Variants in FCHO2 observed in about 807,000 individuals in gnomAD.
The protein encoded by FCHO2 is FCH and mu domain containing endocytic adaptor 2.
In FCHO2, 43 loss-of-function variants were observed where a neutral mutation model predicts 114.1. The observed-to-expected ratio is 0.38, with a 90% CI of 0.30 to 0.49. The LOEUF is 0.49. FCHO2 is among the 20% of genes least tolerant of loss of function. The pLI, the probability that FCHO2 is intolerant of heterozygous loss-of-function variation, is 0.97. For synonymous variants in FCHO2, 293 were observed against 315.2 expected (o/e 0.93, Z 0.75); for missense variants, 807 against 950.4 (o/e 0.85, Z 1.98).
chr5:73,048,725 T>C (rs1214032270), intron 11 of FCHO2, among the ~76,000 whole-genome samples: 1 of 152,060 alleles, frequency 6.6e-6, no homozygotes, highest in African/African-American at 2.4e-5. Flanking sequence ...AAAGAGTGAA[T>C]ATATATGTAG....
At chr5:73,041,954 T>G (rs1014091746) in intron 11 of FCHO2, among the ~76,000 whole-genome samples, 1 of 152,104 alleles carries the variant, frequency 6.6e-6, no homozygotes, top group Non-Finnish European at 1.5e-5. Context: ...TTGATAAGTA[T>G]AGGGGTTTCA....
rs1307921445 is a variant in FCHO2, at chr5:73,089,533, C to G, written c.*1443C>G. On this transcript the variant is annotated 3_prime_UTR_variant, in exon 26 of 26. Coordinates refer to ENST00000430046, the MANE Select transcript of FCHO2 (RefSeq NM_138782.3). ...CTACCAATACTAAATAGTAAGAAAC[C>G]TAACTTTAGTAGCAAATCTTGATTA... 1.3e-5 allele frequency: 2 copies of G among 152,142 alleles called. No homozygotes were observed. The highest frequency in any genetic ancestry group is 2.9e-5 in the Non-Finnish European group (2 of 67,864). 9.4% of individuals were successfully genotyped at this position (152,142 alleles called of 1,614,324 possible). A position where few individuals can be genotyped will look rare whatever the true frequency, so the allele number is the denominator to read the frequency against.
intron 2 of FCHO2, among the ~76,000 whole-genome samples, chr5:72,970,970 G>GATAGTTTACTGAGA (rs1444652252): frequency 6.6e-6 from 1 of 152,044 alleles, no homozygotes; most frequent in Non-Finnish European, 1.5e-5. Context: ...TTGTTCTTGT[G>GATAGTTTACTGAGA]ATAGTTTACT....
intron 5 of FCHO2, among the ~76,000 whole-genome samples, chr5:73,005,951 C>T (rs111394605): frequency 6.6e-5 from 10 of 152,248 alleles, no homozygotes; most frequent in African/African-American, 2.4e-4. Flanking sequence ...CCAGCCTTCA[C>T]AACTTTCGAG....
intron 11 of FCHO2, among the ~76,000 whole-genome samples, chr5:73,046,860 G>A (rs1334792045): frequency 6.6e-6 from 1 of 152,074 alleles, no homozygotes; most frequent in Non-Finnish European, 1.5e-5. Flanking sequence ...ACATTAGACT[G>A]TTTATTTAGT....
intron 23 of FCHO2, 118 bp from the exon 24 acceptor site, chr5:73,082,643 C>G: frequency 1.3e-6 from 1 of 793,076 alleles, no homozygotes; most frequent in South Asian, 1.7e-5. Flanking sequence ...ACTACTTAAA[C>G]TTAGCAATAT....
chr5:72,990,773 C>T lies in FCHO2; in HGVS notation c.404C>T (p.Ala135Val), dbSNP rs778726299. The change falls in exon 5 of 26, where the codon GCC becomes GTC. Residue 135 changes from alanine to valine, a missense_variant. Coordinates refer to ENST00000430046, the MANE Select transcript of FCHO2 (RefSeq NM_138782.3). ...AVQTIQSITQ[A>V]LQKSKENYNA... The stretch of plus-strand genomic sequence containing the variant: ...CAAACCATTCAGAGCATAACTCAGG[C>T]CCTCCAGAAATCCAAGGAAAATTAC... 1.7e-5 allele frequency: 26 copies of T among 1,555,398 alleles called. No individual in the cohort carries two copies. In the Admixed American group the frequency reaches 4.7e-4, roughly 28 times the overall value.
chr5:73,066,559 C>T (rs1233085424), intron 18 of FCHO2, among the ~76,000 whole-genome samples: 1 of 146,018 alleles, frequency 6.8e-6, no homozygotes, highest in Non-Finnish European at 1.5e-5. Flanking sequence ...TCCAGCTGTA[C>T]ATTGGAGTGC....
At chr5:73,043,223 T>C (rs963250485) in intron 11 of FCHO2, among the ~76,000 whole-genome samples, 3 of 152,164 alleles carry the variant, frequency 2.0e-5, no homozygotes, top group African/African-American at 7.2e-5. Flanking sequence ...TGAACCACTG[T>C]TCCTGGCCAA....
chr5:73,037,975 G>T (rs981553552), intron 10 of FCHO2: 4 of 225,848 alleles, frequency 1.8e-5, no homozygotes, highest in Non-Finnish European at 3.6e-5. Context: ...GGCCAGGCTG[G>T]TCGCGAACTC....
At chr5:72,991,169 A>AT (rs1753789594) in intron 5 of FCHO2, among the ~76,000 whole-genome samples, 1 of 152,134 alleles carries the variant, frequency 6.6e-6, no homozygotes, top group Admixed American at 6.5e-5. Flanking sequence ...GGTTGAAGTG[A>AT]TTCTCCTGCC....
At chr5:72,960,469 C>G (rs961311439) in intron 1 of FCHO2, among the ~76,000 whole-genome samples, 2 of 151,922 alleles carry the variant, frequency 1.3e-5, no homozygotes, top group Admixed American at 6.6e-5. Context: ...CACACCATTG[C>G]TTTTAATATG....
intron 2 of FCHO2, among the ~76,000 whole-genome samples, chr5:72,971,496 C>T (rs1752551271): frequency 6.6e-6 from 1 of 152,154 alleles, no homozygotes; most frequent in Non-Finnish European, 1.5e-5. Flanking sequence ...GCATAAATGT[C>T]TTCTTTTGAG....
chr5:73,057,154 C>T (rs539469008), intron 16 of FCHO2, among the ~76,000 whole-genome samples: 25 of 151,372 alleles, frequency 1.7e-4, no homozygotes, highest in African/African-American at 3.9e-4. Context: ...AGGCTGGTCT[C>T]GAACTCCTGG....
intron 10 of FCHO2, among the ~76,000 whole-genome samples, chr5:73,037,544 C>A: frequency 6.6e-6 from 1 of 152,004 alleles, no homozygotes; most frequent in Admixed American, 6.5e-5. Context: ...ACTAAAAATT[C>A]ATCAAAGTCT....
At chr5:73,013,488 T>C (rs1561448001) in intron 6 of FCHO2, among the ~76,000 whole-genome samples, 1 of 152,206 alleles carries the variant, frequency 6.6e-6, no homozygotes, top group East Asian at 1.9e-4. Flanking sequence ...ACAAATGTAT[T>C]TTGTTTGAAA....
Position 72,997,592 on chromosome 5 carries a change from G to A in FCHO2, c.495+6728G>A, listed in dbSNP as rs1754189808. The stretch of plus-strand genomic sequence containing the variant: ...GATGCTGGATGCCCTCAGGTTCACC[G>A]CTGATGTTCGTTCCGTGCTGAGCCG... On this transcript the variant is annotated intron_variant, in intron 5 of 25. Coordinates refer to ENST00000430046, the MANE Select transcript of FCHO2 (RefSeq NM_138782.3). The A allele has an allele frequency of 9.5e-6, 13 of 1,362,890 alleles. No individual in the cohort carries two copies. In the South Asian group the frequency reaches 1.3e-4, roughly 13 times the overall value. The allele number at this position is 1,362,890 out of a possible 1,614,324, so 84.4% of individuals were successfully genotyped here. A position where few individuals can be genotyped will look rare whatever the true frequency, so the allele number is the denominator to read the frequency against.
intron 19 of FCHO2, among the ~76,000 whole-genome samples, chr5:73,074,506 T>C (rs1051793335): frequency 3.3e-5 from 5 of 152,090 alleles, no homozygotes; most frequent in Admixed American, 6.6e-5. Flanking sequence ...AACCATTCTG[T>C]CTTTCCATTT....
chr5:72,975,735 C>T (rs1392292571), intron 2 of FCHO2, among the ~76,000 whole-genome samples: 1 of 152,090 alleles, frequency 6.6e-6, no homozygotes, highest in African/African-American at 2.4e-5. Context: ...GAACTCCTGA[C>T]CTCAGGTGAT....
Sources: allele counts gnomAD v4.1 joint callset (sites outside exome capture counted in the v4.1 genomes callset), GRCh38; gene constraint gnomAD v4.1.1; transcripts MANE v1.5; gene names NCBI Gene and HGNC (gene_info 2026-07-23, HGNC 2026-07-21).